Variants in UBE2D2 observed in about 807,000 individuals in gnomAD.
UBE2D2 encodes the protein ubiquitin-conjugating enzyme E2 D2.
In UBE2D2, 2 loss-of-function variants were observed where a neutral mutation model predicts 24.2. That is an observed-to-expected ratio of 0.08 (90% CI 0.03 to 0.26). The LOEUF (loss-of-function observed/expected upper bound fraction) is 0.26. Among genes scored for constraint, UBE2D2 ranks in the 10% least tolerant of loss-of-function variants. UBE2D2 has a pLI of 1.00. For synonymous variants in UBE2D2, 58 were observed against 56.5 expected (o/e 1.03, Z -0.12); for missense variants, 44 against 177.6 (o/e 0.25, Z 4.28).
chr5:139,619,040 G>T (rs942539128), intron 5 of UBE2D2, among the ~76,000 whole-genome samples: 3 of 152,174 alleles, frequency 2.0e-5, no homozygotes, highest in Admixed American at 6.6e-5. Flanking sequence ...GCAGATAAGT[G>T]TGCCATAAAG....
At chr5:139,616,098 C>T (rs367848225) in intron 5 of UBE2D2, among the ~76,000 whole-genome samples, 94 of 150,150 alleles carry the variant, frequency 6.3e-4, no homozygotes, top group African/African-American at 2.3e-3. Flanking sequence ...CCTCCCAAAG[C>T]GCTGGGATTA....
At chr5:139,535,924 G>A (rs182885719) in intron 1 of UBE2D2, among the ~76,000 whole-genome samples, 14 of 151,010 alleles carry the variant, frequency 9.3e-5, no homozygotes, top group South Asian at 8.4e-4. Flanking sequence ...ATGGAGTCTC[G>A]CTCTGTTGCC....
At chr5:139,607,891 T>C (rs1489436417) in intron 2 of UBE2D2, among the ~76,000 whole-genome samples, 1 of 151,984 alleles carries the variant, frequency 6.6e-6, no homozygotes, top group Non-Finnish European at 1.5e-5. Flanking sequence ...CACTTGCCTG[T>C]AGTCCCAGCT....
At chr5:139,566,317 C>T (rs1179617146) in intron 1 of UBE2D2, among the ~76,000 whole-genome samples, 1 of 151,968 alleles carries the variant, frequency 6.6e-6, no homozygotes, top group Non-Finnish European at 1.5e-5. Flanking sequence ...CTGTGCCCGG[C>T]CTATGGCTAG....
intron 2 of UBE2D2, 151 bp from the exon 3 acceptor site, chr5:139,614,435 T>C (rs1754383466): frequency 1.1e-6 from 1 of 910,818 alleles, no homozygotes; most frequent in Admixed American, 2.7e-5. Flanking sequence ...CTTGTTTCTT[T>C]AGACTGTTAA....
upstream of UBE2D2, among the ~76,000 whole-genome samples, chr5:139,560,533 T>G (rs1205595000): frequency 1.3e-5 from 2 of 152,096 alleles, no homozygotes; most frequent in African/African-American, 4.8e-5. Flanking sequence ...GGTTTCACCA[T>G]GTTGGCCAGG....
Position 139,618,216 on chromosome 5 carries a change from C to T in UBE2D2, c.304+3250C>T, listed in dbSNP as rs949051785. ...CTCGAACTCCCAACCTCAGGTGATC[C>T]GCCCGCCTCAGCCTCCCAAAGTGCT... On this transcript the variant is annotated intron_variant, in intron 5 of 6. Transcript: ENST00000398733. 9.9e-5 allele frequency among the ~76,000 whole-genome samples: 15 copies of T among 152,050 alleles called. No homozygotes were observed. The South Asian group carries it at 1.0e-3, about 11-fold the overall frequency.
rs182068198 is a variant in UBE2D2, at chr5:139,543,123, C to T, written c.-64+16511C>T. ...TGTTGGTCAGGCTGGTCTCGAACTC[C>T]TGACCTCGTGATTCGTCTGCCTCAG... On this transcript the variant is annotated intron_variant, in intron 1 of 6. Transcript: ENST00000511725. Among the ~76,000 whole-genome samples the T allele has an allele frequency of 2.6e-4, 40 of 151,992 alleles. 1 individual carries two copies. Among genetic ancestry groups the T allele is most frequent in the African/African-American group, 9.2e-4 (38 of 41,426 alleles).
chr5:139,585,782 G>A (rs928139573), intron 1 of UBE2D2, among the ~76,000 whole-genome samples: 8 of 151,710 alleles, frequency 5.3e-5, no homozygotes, highest in Non-Finnish European at 8.8e-5. Flanking sequence ...AAGAGTTTGT[G>A]CAGAGGTTAA....
chr5:139,546,498 T>A (rs1467841172), intron 1 of UBE2D2, among the ~76,000 whole-genome samples: 1 of 151,916 alleles, frequency 6.6e-6, no homozygotes, highest in Non-Finnish European at 1.5e-5. Flanking sequence ...TTTTCTTTTG[T>A]TTGAAACAGA....
intron 1 of UBE2D2, among the ~76,000 whole-genome samples, chr5:139,581,497 C>T (rs1292934018): frequency 6.6e-6 from 1 of 151,792 alleles, no homozygotes; most frequent in African/African-American, 2.4e-5. Flanking sequence ...ATGCTTAGGA[C>T]GCTAAGTGTT....
chr5:139,581,813 C>T (rs188572243), intron 1 of UBE2D2, among the ~76,000 whole-genome samples: 27 of 152,044 alleles, frequency 1.8e-4, no homozygotes, highest in Admixed American at 6.6e-4. Context: ...GGATTACAGG[C>T]GCGCGCCACC....
chr5:139,610,803 G>A (rs1754302222), intron 2 of UBE2D2, among the ~76,000 whole-genome samples: 1 of 152,044 alleles, frequency 6.6e-6, no homozygotes, highest in Non-Finnish European at 1.5e-5. Context: ...GTTGAGCTGA[G>A]GTTGCGCCCT....
At chr5:139,602,426 C>G (rs954489028) in intron 2 of UBE2D2, among the ~76,000 whole-genome samples, 2 of 152,160 alleles carry the variant, frequency 1.3e-5, no homozygotes, top group Admixed American at 6.6e-5. Context: ...CCTGTAATCT[C>G]AGTGCTTTGG....
chr5:139,600,279 A>G, intron 1 of UBE2D2, 93 bp from the exon 2 acceptor site: 2 of 1,325,170 alleles, frequency 1.5e-6, no homozygotes, highest in Non-Finnish European at 2.1e-6. Flanking sequence ...TTTCACCAGC[A>G]GGACAGAGAA....
At chr5:139,605,606 A>G (rs911717263) in intron 2 of UBE2D2, among the ~76,000 whole-genome samples, 10 of 150,630 alleles carry the variant, frequency 6.6e-5, no homozygotes, top group Non-Finnish European at 1.0e-4. Flanking sequence ...AAAAAAAAAA[A>G]AAAAAAAAGA....
intron 6 of UBE2D2, among the ~76,000 whole-genome samples, chr5:139,626,293 C>T (rs1037720134): frequency 3.9e-5 from 6 of 152,212 alleles, no homozygotes; most frequent in South Asian, 2.1e-4. Context: ...TGGTGTGAAA[C>T]GCCTGGGCTC....
chr5:139,583,377 A>G (rs747325289), intron 1 of UBE2D2, among the ~76,000 whole-genome samples: 1 of 152,226 alleles, frequency 6.6e-6, no homozygotes, highest in African/African-American at 2.4e-5. Flanking sequence ...GAGGTAATAC[A>G]TACGTTAATT....
intron 1 of UBE2D2, among the ~76,000 whole-genome samples, chr5:139,598,020 G>T (rs532721203): frequency 6.6e-6 from 1 of 152,232 alleles, no homozygotes; most frequent in East Asian, 1.9e-4. Flanking sequence ...TTCTGCCTCA[G>T]CCTCCCGAGT....
Sources: gnomAD v4.1 joint callset for allele counts (sites outside exome capture counted in the v4.1 genomes callset) on GRCh38, gnomAD v4.1.1 for gene constraint, MANE v1.5 for transcripts, NCBI Gene and HGNC (gene_info 2026-07-23, HGNC 2026-07-21) for gene names.